Variants in ERC2 observed in about 807,000 individuals in gnomAD.
ERC2 encodes ERC protein 2.
In ERC2, 42 loss-of-function variants were observed where a neutral mutation model predicts 114.8. The observed-to-expected ratio is 0.37, with a 90% CI of 0.29 to 0.47. The LOEUF (loss-of-function observed/expected upper bound fraction) is 0.47, where lower values mean the gene tolerates loss of function less well. ERC2 is among the 20% of genes least tolerant of loss of function. ERC2 has a pLI of 0.99. For missense variants in ERC2, 939 were observed against 1,150.7 expected, an observed-to-expected ratio of 0.82 and a Z score of 2.66; for synonymous variants, 454 against 425.5, an observed-to-expected ratio of 1.07 and a Z score of -0.82.
chr3:56,290,095 A>G (rs987578310), intron 3 of ERC2, among the ~76,000 whole-genome samples: 3 of 152,224 alleles, frequency 2.0e-5, no homozygotes, highest in Admixed American at 6.5e-5. Flanking sequence ...GATGCTCAAC[A>G]TATGCCCAAT....
intron 13 of ERC2, among the ~76,000 whole-genome samples, chr3:55,920,591 C>A (rs2065368960): frequency 6.6e-6 from 1 of 152,016 alleles, no homozygotes; most frequent in Admixed American, 6.6e-5. Context: ...TAATCCATAT[C>A]TTGTTATCTT....
intron 17 of ERC2, among the ~76,000 whole-genome samples, chr3:55,628,046 T>G (rs924233608): frequency 3.3e-5 from 5 of 152,148 alleles, no homozygotes; most frequent in Admixed American, 3.3e-4. Context: ...TTTAAATATA[T>G]TGGCACAAAG....
intron 6 of ERC2, among the ~76,000 whole-genome samples, chr3:56,113,923 G>A (rs1250993412): frequency 2.0e-5 from 3 of 152,162 alleles, no homozygotes; most frequent in Admixed American, 2.0e-4. Flanking sequence ...GTCAACTGAA[G>A]AATCATAAGG....
chr3:55,680,484 T>C (rs75683922), intron 17 of ERC2, among the ~76,000 whole-genome samples: 5,483 of 152,318 alleles, frequency 0.036, 151 homozygotes, highest in Non-Finnish European at 0.05. Flanking sequence ...AAGTATTTGC[T>C]GACACAAATG....
chr3:56,153,939 G>A (rs1422065859), intron 4 of ERC2, among the ~76,000 whole-genome samples: 1 of 152,008 alleles, frequency 6.6e-6, no homozygotes, highest in African/African-American at 2.4e-5. Flanking sequence ...AACAAACTTA[G>A]GGCCAATATG....
In ERC2 at chr3:56,374,910, G is replaced by A. The variant is rs115870596; in HGVS notation, c.657+59441C>T. On this transcript the variant is annotated intron_variant, in intron 2 of 17. Coordinates refer to ENST00000288221, the MANE Select transcript of ERC2 (RefSeq NM_015576.3). The stretch of plus-strand genomic sequence containing the variant: ...TTTTATTTAATGGTGAATACTGCCA[G>A]TTTCAATGCAATAATATTTCAATTC... 2.7e-3 allele frequency among the ~76,000 whole-genome samples: 415 copies of A among 152,246 alleles called. 2 individuals are homozygous for A. Among genetic ancestry groups the A allele is most frequent in the African/African-American group, 9.7e-3 (401 of 41,534 alleles).
intron 6 of ERC2, among the ~76,000 whole-genome samples, chr3:56,096,131 C>T (rs145712976): frequency 2.4e-4 from 37 of 152,258 alleles, no homozygotes; most frequent in African/African-American, 8.7e-4. Flanking sequence ...AAAGTAGAGA[C>T]AATCACTGAA....
At chr3:55,681,195 A>G (rs1265343732) in intron 17 of ERC2, among the ~76,000 whole-genome samples, 1 of 152,226 alleles carries the variant, frequency 6.6e-6, no homozygotes, top group Non-Finnish European at 1.5e-5. Flanking sequence ...GTCTGGACTT[A>G]GCCTCCAGAA....
intron 13 of ERC2, among the ~76,000 whole-genome samples, chr3:55,910,059 A>G (rs555252024): frequency 5.3e-5 from 8 of 152,260 alleles, no homozygotes; most frequent in East Asian, 1.9e-4. Flanking sequence ...GGTTGAATCA[A>G]TGACTAGTCT....
intron 3 of ERC2, among the ~76,000 whole-genome samples, chr3:56,231,853 A>G (rs1178659222): frequency 6.9e-6 from 1 of 145,074 alleles, no homozygotes; most frequent in Non-Finnish European, 1.6e-5. Flanking sequence ...GATCCCCTAG[A>G]TAAGAAAGGA....
chr3:56,296,551 G>A lies in ERC2; in HGVS notation c.658-116C>T, dbSNP rs2055451447. On this transcript the variant is annotated intron_variant, in intron 2 of 17. Coordinates refer to ENST00000288221, the MANE Select transcript of ERC2 (RefSeq NM_015576.3). ...AGATGGAATGTTAATCATGAGGTCC[G>A]GAGGGCCAGCCATGAATTCCTCCAC... 1.9e-5 allele frequency: 21 copies of A among 1,123,606 alleles called. No individual in the cohort carries two copies. The East Asian group carries it at 2.6e-4, about 14-fold the overall frequency. The allele number at this position is 1,123,606 out of a possible 1,614,324, so 69.6% of individuals were successfully genotyped here.
chr3:55,623,802 C>A (rs2059409289), intron 17 of ERC2, among the ~76,000 whole-genome samples: 1 of 152,220 alleles, frequency 6.6e-6, no homozygotes, highest in Non-Finnish European at 1.5e-5. Flanking sequence ...TACTTCCCCT[C>A]CCCTGTCCAG....
intron 14 of ERC2, among the ~76,000 whole-genome samples, chr3:55,863,990 A>C (rs748956821): frequency 6.6e-6 from 1 of 151,154 alleles, no homozygotes; most frequent in Non-Finnish European, 1.5e-5. Context: ...ACTCAGAGTT[A>C]ACAGCATAAA....
chr3:56,434,036 A>G, intron 2 of ERC2: 1 of 337,212 alleles, frequency 3.0e-6, no homozygotes, highest in Non-Finnish European at 5.4e-6. Context: ...ACATCTGAAC[A>G]GCTGTTGCAA....
chr3:55,930,136 G>A (rs2065988173), intron 13 of ERC2, among the ~76,000 whole-genome samples: 1 of 152,196 alleles, frequency 6.6e-6, no homozygotes. Context: ...CCACTTGGGA[G>A]GCTGAGGCAG....
intron 3 of ERC2, among the ~76,000 whole-genome samples, chr3:56,198,789 T>C (rs867429764): frequency 6.6e-6 from 1 of 151,894 alleles, no homozygotes; most frequent in South Asian, 2.1e-4. Flanking sequence ...TTGAGAATTA[T>C]TATCAAATGA....
At chr3:56,298,045 T>C (rs1412211867) in intron 2 of ERC2, among the ~76,000 whole-genome samples, 1 of 152,240 alleles carries the variant, frequency 6.6e-6, no homozygotes, top group East Asian at 1.9e-4. Flanking sequence ...ATGTATTTAA[T>C]GATGGAGGTT....
chr3:55,754,604 A>G, intron 14 of ERC2, among the ~76,000 whole-genome samples: 1 of 82,006 alleles, frequency 1.2e-5, no homozygotes, highest in African/African-American at 3.4e-5. Context: ...CCATTCTTAC[A>G]TAAAAAAAAA....
intron 3 of ERC2, among the ~76,000 whole-genome samples, chr3:56,288,602 G>T (rs2054877930): frequency 6.6e-6 from 1 of 152,186 alleles, no homozygotes; most frequent in African/African-American, 2.4e-5. Context: ...TAAGGCAAAT[G>T]ATGCTAAACA....
Sources: gnomAD v4.1 joint callset for allele counts (sites outside exome capture counted in the v4.1 genomes callset) on GRCh38, gnomAD v4.1.1 for gene constraint, MANE v1.5 for transcripts, NCBI Gene and HGNC (gene_info 2026-07-23, HGNC 2026-07-21) for gene names.